The following LIFR variants were observed in gnomAD, a reference collection of about 807,000 sequenced individuals.
LIFR encodes the protein LIF receptor subunit alpha, also known as leukemia inhibitory factor receptor.
A neutral mutation model predicts 122.2 loss-of-function variants in LIFR; 84 were observed. The observed-to-expected ratio is 0.69, with a 90% CI of 0.58 to 0.82. LIFR has a LOEUF of 0.82. Ranked by LOEUF, LIFR falls within the 40% of genes least tolerant of loss-of-function variation. The pLI is 0.00. For synonymous variants in LIFR, 422 were observed against 434.7 expected, an observed-to-expected ratio of 0.97 and a Z score of 0.36; for missense variants, 1,294 against 1,311.6, an observed-to-expected ratio of 0.99 and a Z score of 0.21.
At position 38,490,185 on chromosome 5, in the gene LIFR, C is replaced by T. The variant is rs1377181323; in HGVS notation, c.2167+5G>A. 2 of 1,368,438 alleles carry T rather than the reference C, an allele frequency of 1.5e-6. No individual in the cohort carries two copies. The highest frequency in any genetic ancestry group is 1.8e-4 in the Middle Eastern group (1 of 5,516). The allele number at this position is 1,368,438 out of a possible 1,614,324, so 84.8% of individuals were successfully genotyped here. On this transcript the variant is annotated splice_donor_5th_base_variant and intron_variant, in intron 15 of 19. Transcript: ENST00000453190. ...CTCTTATAAATAAGTACCCATTTAA[C>T]TTACCCAATTCTTCTATATATCCAA...
intron 13 of LIFR, among the ~76,000 whole-genome samples, chr5:38,495,978 T>G (rs1365694650): frequency 1.5e-5 from 2 of 134,586 alleles, no homozygotes; most frequent in Non-Finnish European, 3.4e-5. Context: ...AAAATAAGCG[T>G]TTTTTTTTTT....
Position 38,477,286 on chromosome 5 carries a change from C to T in LIFR, c.*4309G>A, listed in dbSNP as rs1459508218. 4.5e-6 allele frequency: 1 copy of T among 219,858 alleles called. No homozygotes were observed. The highest frequency in any genetic ancestry group is 9.1e-6 in the Non-Finnish European group (1 of 109,810). 13.6% of individuals were successfully genotyped at this position (219,858 alleles called of 1,614,324 possible). On this transcript the variant is annotated 3_prime_UTR_variant, in exon 20 of 20. Coordinates refer to ENST00000453190, the MANE Select transcript of LIFR (RefSeq NM_001127671.2). ...AAGCCAAGTAATTTCCAATGATATT[C>T]TAAGGCTAAGTCTAAAAGATGAATG...
intron 1 of LIFR, among the ~76,000 whole-genome samples, chr5:38,551,284 G>A (rs1350631089): frequency 6.6e-6 from 1 of 152,176 alleles, no homozygotes; most frequent in Non-Finnish European, 1.5e-5. Flanking sequence ...CATGCAGCAG[G>A]CGCCTTAGTG....
upstream of LIFR, chr5:38,559,006 A>AT (rs1748728522): frequency 6.6e-6 from 1 of 152,236 alleles, no homozygotes; most frequent in South Asian, 2.1e-4. Flanking sequence ...GTCTCAGCTA[A>AT]TTGTGGTGAC....
chr5:38,566,112 C>G (rs965663365), intron 1 of LIFR, among the ~76,000 whole-genome samples: 1 of 152,044 alleles, frequency 6.6e-6, no homozygotes, highest in Admixed American at 6.6e-5. Flanking sequence ...ATTTTTATTG[C>G]TTTCTGTCTT....
intron 1 of LIFR, among the ~76,000 whole-genome samples, chr5:38,574,258 C>T (rs1749311663): frequency 6.6e-6 from 1 of 152,180 alleles, no homozygotes; most frequent in Non-Finnish European, 1.5e-5. Context: ...TTACACATGC[C>T]AGGCTCCTTC....
At chr5:38,565,528 A>G (rs1370742055) in intron 1 of LIFR, among the ~76,000 whole-genome samples, 2 of 151,932 alleles carry the variant, frequency 1.3e-5, no homozygotes, top group Non-Finnish European at 2.9e-5. Flanking sequence ...ATATGAAATG[A>G]GATGATGTAT....
intron 5 of LIFR, among the ~76,000 whole-genome samples, chr5:38,516,479 G>C (rs1746088438): frequency 6.6e-6 from 1 of 152,178 alleles, no homozygotes; most frequent in Non-Finnish European, 1.5e-5. Context: ...CTGGTCATTA[G>C]AGAAATGCAA....
At chr5:38,540,604 C>G (rs1031232937) in intron 1 of LIFR, among the ~76,000 whole-genome samples, 1 of 152,186 alleles carries the variant, frequency 6.6e-6, no homozygotes, top group African/African-American at 2.4e-5. Context: ...GGCGGGCAGC[C>G]CCTCGCCAGC....
At chr5:38,548,466 T>C (rs1748015681) in intron 1 of LIFR, among the ~76,000 whole-genome samples, 1 of 152,214 alleles carries the variant, frequency 6.6e-6, no homozygotes, top group South Asian at 2.1e-4. Context: ...AGTAACTATC[T>C]ATTTATTGAG....
At chr5:38,555,989 G>A (rs1432092043) in intron 1 of LIFR, among the ~76,000 whole-genome samples, 3 of 152,204 alleles carry the variant, frequency 2.0e-5, no homozygotes, top group Admixed American at 1.3e-4. Context: ...TTAAAGGGGA[G>A]TTGAAGCAGA....
At chr5:38,558,941 C>G (rs980236865), upstream of LIFR, 9 of 152,234 alleles carry the variant, frequency 5.9e-5, no homozygotes, top group African/African-American at 2.2e-4. Context: ...TGCCCTAGCA[C>G]CACCCAATAG....
At chr5:38,507,203 C>G (rs1409026504) in intron 7 of LIFR, among the ~76,000 whole-genome samples, 2 of 151,974 alleles carry the variant, frequency 1.3e-5, no homozygotes, top group Non-Finnish European at 2.9e-5. Flanking sequence ...CTGCTCTCCC[C>G]AGCTTTAAGG....
rs759107507 is a variant in LIFR at position 38,482,148 on chromosome 5, C to T, written c.2741G>A (p.Arg914Gln). 5 of 1,584,490 alleles carry T rather than the reference C, an allele frequency of 3.2e-6. No homozygotes were observed. The highest frequency in any genetic ancestry group is 3.4e-6 in the Non-Finnish European group (4 of 1,170,738). The change falls in exon 20 of 20, where the codon CGA (arginine) becomes CAA (glutamine). Residue 914 changes from arginine to glutamine, a missense_variant. Transcript: ENST00000453190. ...TPNNVEVLETRSAFPKIEDTE... is the reference protein window; with the variant it reads ...TPNNVEVLETQSAFPKIEDTE... ...ATCTTCTATTTTAGGAAATGCTGAT[C>T]GAGTTTCCAGAACCTCAACATTATT...
intron 5 of LIFR, among the ~76,000 whole-genome samples, chr5:38,517,532 C>A (rs1384490470): frequency 6.6e-6 from 1 of 152,000 alleles, no homozygotes; most frequent in Admixed American, 6.6e-5. Flanking sequence ...CCATTAGAAT[C>A]AAGAAAAGTG....
At chr5:38,599,096 C>T (rs1750177320), upstream of LIFR, among the ~76,000 whole-genome samples, 1 of 152,138 alleles carries the variant, frequency 6.6e-6, no homozygotes, top group South Asian at 2.1e-4. Flanking sequence ...CAGGCTTCCC[C>T]CAGGAGCTGT....
chr5:38,506,665 A>G, intron 7 of LIFR, 33 bp from the exon 8 acceptor site: 1 of 1,576,434 alleles, frequency 6.3e-7, no homozygotes. Flanking sequence ...ACTTATGATT[A>G]CATATATTTT....
In LIFR at chr5:38,517,960, C is replaced by CA. The variant is rs1265413712; in HGVS notation, c.561+5458dup. 4.6e-3 allele frequency among the ~76,000 whole-genome samples: 413 copies of CA among 90,322 alleles called. 1 individual carries two copies. The highest frequency in any genetic ancestry group is 6.3e-3 in the Non-Finnish European group (271 of 42,834). 59.3% of individuals were successfully genotyped at this position (90,322 alleles called of 152,430 possible). ...TCTCTATGAAAAAAAAAAAAACAAA[C>CA]AAAAAAAAACAGCTGGGCACAGCAG... On this transcript the variant is annotated intron_variant, in intron 5 of 19. Coordinates refer to ENST00000453190, the MANE Select transcript of LIFR (RefSeq NM_001127671.2).
At position 38,477,098 on chromosome 5, in the gene LIFR, TA is replaced by T; in HGVS notation, c.*4496del. On this transcript the variant is annotated 3_prime_UTR_variant, in exon 20 of 20. Coordinates refer to ENST00000453190, the MANE Select transcript of LIFR (RefSeq NM_001127671.2). ...TATTCTTAATCCTTTACACTGGCAC[TA>T]AAAATAGTTCATCTGTAATAAGCAT... The T allele has an allele frequency of 4.5e-6, 1 of 224,036 alleles. No individual in the cohort carries two copies. The highest frequency in any genetic ancestry group is 8.9e-6 in the Non-Finnish European group (1 of 112,254). The allele number at this position is 224,036 out of a possible 1,614,324, so 13.9% of individuals were successfully genotyped here.
Sources: allele counts gnomAD v4.1 joint callset (sites outside exome capture counted in the v4.1 genomes callset), GRCh38; gene constraint gnomAD v4.1.1; transcripts MANE v1.5; gene names NCBI Gene and HGNC (gene_info 2026-07-23, HGNC 2026-07-21).